Variants in NRG1 observed in about 807,000 individuals in gnomAD.
The protein encoded by NRG1 is neuregulin 1.
Under a neutral mutation model 63.8 loss-of-function variants are expected in NRG1, and 18 were observed. That is an observed-to-expected ratio of 0.28 (90% CI 0.19 to 0.42). The LOEUF is 0.42. NRG1 is among the 10% of genes least tolerant of loss of function. The probability of loss-of-function intolerance (pLI) is 1.00; values close to 1 mark genes in which losing one functional copy is unlikely to be tolerated. For synonymous variants in NRG1, 302 were observed against 301.3 expected, an observed-to-expected ratio of 1.00 and a Z score of -0.02; for missense variants, 762 against 814.7, an observed-to-expected ratio of 0.94 and a Z score of 0.79.
intron 1 of NRG1, among the ~76,000 whole-genome samples, chr8:32,190,025 G>A (rs4733114): frequency 6.6e-6 from 1 of 151,998 alleles, no homozygotes; most frequent in East Asian, 1.9e-4. Context: ...CAAAACTGAC[G>A]AAGTAAATCA....
intron 1 of NRG1, among the ~76,000 whole-genome samples, chr8:32,413,765 C>A (rs1018241603): frequency 6.6e-6 from 1 of 152,120 alleles, no homozygotes; most frequent in East Asian, 1.9e-4. Context: ...ATCTCTAGCA[C>A]ACTGATTAAA....
chr8:32,211,911 C>T (rs1034056416), intron 1 of NRG1, among the ~76,000 whole-genome samples: 2 of 152,064 alleles, frequency 1.3e-5, no homozygotes, highest in African/African-American at 4.8e-5. Context: ...CTTTTGTGAA[C>T]TTTATTTTTT....
chr8:32,165,675 A>G (rs1839322846), intron 1 of NRG1, among the ~76,000 whole-genome samples: 1 of 152,160 alleles, frequency 6.6e-6, no homozygotes, highest in African/African-American at 2.4e-5. Context: ...TGTGATTGCT[A>G]TATAATCATT....
intron 1 of NRG1, among the ~76,000 whole-genome samples, chr8:32,226,285 A>C (rs1209517636): frequency 6.6e-6 from 1 of 152,126 alleles, no homozygotes; most frequent in Non-Finnish European, 1.5e-5. Context: ...CAATCAGCAC[A>C]TTTTCAAACT....
intron 1 of NRG1, among the ~76,000 whole-genome samples, chr8:32,070,424 C>A (rs1315455887): frequency 2.6e-5 from 4 of 152,126 alleles, no homozygotes; most frequent in African/African-American, 4.8e-5. Context: ...CTAATAATAG[C>A]ATAATAGCTA....
chr8:32,514,137 T>C (rs1361685085), intron 1 of NRG1, among the ~76,000 whole-genome samples: 3 of 152,212 alleles, frequency 2.0e-5, no homozygotes, highest in Non-Finnish European at 4.4e-5. Context: ...TTAACCTTTT[T>C]TTGTTTGCCA....
intron 1 of NRG1, among the ~76,000 whole-genome samples, chr8:31,768,171 A>G (rs1818266769): frequency 6.6e-6 from 1 of 152,218 alleles, no homozygotes; most frequent in Non-Finnish European, 1.5e-5. Context: ...GATGTCATCA[A>G]GTCACTATGC....
Position 32,745,495 on chromosome 8 carries a change from A to G in NRG1, c.691+2762A>G, listed in dbSNP as rs150562177. ...TGATTTATAAAAACTGACTTAAAATATGAAAGAGAGGGACAAATGTATATT... is the reference window on the plus strand; with the variant it reads ...TGATTTATAAAAACTGACTTAAAATGTGAAAGAGAGGGACAAATGTATATT... On this transcript the variant is annotated intron_variant, in intron 7 of 11. Transcript: ENST00000356819. 1.4e-3 allele frequency among the ~76,000 whole-genome samples: 212 copies of G among 152,322 alleles called. 4 individuals are homozygous for G. In the East Asian group the frequency reaches 0.039, roughly 28 times the overall value.
chr8:31,709,204 GAT>G (rs1491325269), intron 1 of NRG1, among the ~76,000 whole-genome samples: 1 of 124,502 alleles, frequency 8.0e-6, no homozygotes, highest in African/African-American at 2.9e-5. Context: ...TTAATCAAGT[GAT>G]TTTTTTTTTT....
At chr8:32,089,743 T>C (rs1828820686) in intron 1 of NRG1, among the ~76,000 whole-genome samples, 1 of 152,146 alleles carries the variant, frequency 6.6e-6, no homozygotes, top group Non-Finnish European at 1.5e-5. Context: ...TTAGACTTAA[T>C]TGGTTATAGG....
At chr8:32,073,008 G>GGA (rs1554618463) in intron 1 of NRG1, among the ~76,000 whole-genome samples, 1 of 150,032 alleles carries the variant, frequency 6.7e-6, no homozygotes, top group Admixed American at 6.7e-5. Flanking sequence ...TCAGGTCTGG[G>GGA]AAAAAAAAAA....
chr8:31,874,725 T>A (rs892839805), intron 1 of NRG1, among the ~76,000 whole-genome samples: 1 of 152,146 alleles, frequency 6.6e-6, no homozygotes, highest in East Asian at 1.9e-4. Flanking sequence ...TTGTACCCAT[T>A]GATCATCCCC....
chr8:32,613,629 GCTTAT>G (rs546825141), intron 3 of NRG1, among the ~76,000 whole-genome samples: 71 of 152,034 alleles, frequency 4.7e-4, no homozygotes, highest in African/African-American at 1.7e-3. Flanking sequence ...AGTAGATTCA[GCTTAT>G]CTTTTGTCCT....
chr8:32,474,955 C>G lies in NRG1; in HGVS notation c.38-120873C>G, dbSNP rs1824324737. Among the ~76,000 whole-genome samples the G allele has an allele frequency of 2.0e-5, 3 of 152,172 alleles. No individual in the cohort carries two copies. In the South Asian group the frequency reaches 6.2e-4, roughly 32 times the overall value. On this transcript the variant is annotated intron_variant, in intron 1 of 10. Coordinates refer to the NRG1 transcript ENST00000519301. ...AAGCACATAGGATCATAGGATTGCT[C>G]TCTAGGAGAATGGAGTAATTAATAC...
chr8:32,772,964 A>T (rs1224184698), intron 7 of NRG1, among the ~76,000 whole-genome samples: 2 of 151,722 alleles, frequency 1.3e-5, no homozygotes, highest in African/African-American at 4.8e-5. Flanking sequence ...TTTATTTTTT[A>T]TTTTTTTGCA....
At chr8:31,738,257 G>GTTAGTTAGAGAACCAACTGTTCTCTAAGT (rs1243158587) in intron 1 of NRG1, among the ~76,000 whole-genome samples, 8 of 152,050 alleles carry the variant, frequency 5.3e-5, no homozygotes, top group Admixed American at 1.3e-4. Flanking sequence ...AGTAACTAAG[G>GTTAGTTAGAGAACCAACTGTTCTCTAAGT]TGGTTAGAGA....
At chr8:32,267,942 G>A (rs961001562) in intron 1 of NRG1, among the ~76,000 whole-genome samples, 2 of 152,150 alleles carry the variant, frequency 1.3e-5, no homozygotes, top group African/African-American at 4.8e-5. Flanking sequence ...TCCCTTGTAT[G>A]CTTCCCCCTC....
At chr8:32,281,656 C>T (rs1852866370) in intron 1 of NRG1, among the ~76,000 whole-genome samples, 1 of 152,078 alleles carries the variant, frequency 6.6e-6, no homozygotes, top group Non-Finnish European at 1.5e-5. Context: ...GACATGGCCC[C>T]TCCAGCTGCA....
At chr8:32,640,620 G>GCACACACACACACA (rs58796067) in intron 5 of NRG1, among the ~76,000 whole-genome samples, 1 of 132,290 alleles carries the variant, frequency 7.6e-6, no homozygotes, top group Non-Finnish European at 1.6e-5. Flanking sequence ...TCTCAGACCC[G>GCACACACACACACA]CACACACACA....
Sources: gnomAD v4.1 joint callset for allele counts (sites outside exome capture counted in the v4.1 genomes callset) on GRCh38, gnomAD v4.1.1 for gene constraint, MANE v1.5 for transcripts, NCBI Gene and HGNC (gene_info 2026-07-23, HGNC 2026-07-21) for gene names.